PLPP3: variants seen among roughly 807,000 people sequenced by gnomAD.
PLPP3 encodes the protein phospholipid phosphatase 3, also known as PAP2 beta.
A neutral mutation model predicts 29.6 loss-of-function variants in PLPP3; 6 were observed. The observed-to-expected ratio is 0.20, with a 90% CI of 0.11 to 0.40. PLPP3 has a LOEUF of 0.40. Ranked by LOEUF, PLPP3 falls within the 10% of genes least tolerant of loss-of-function variation. PLPP3 has a pLI of 1.00. For synonymous variants in PLPP3, 152 were observed against 159.7 expected, an observed-to-expected ratio of 0.95 and a Z score of 0.36; for missense variants, 308 against 407.7, an observed-to-expected ratio of 0.76 and a Z score of 2.11.
intron 4 of PLPP3, among the ~76,000 whole-genome samples, chr1:56,514,541 A>G (rs1645768194): frequency 6.6e-6 from 1 of 152,182 alleles, no homozygotes; most frequent in African/African-American, 2.4e-5. Flanking sequence ...CCCAAACCAT[A>G]TTCCACTGAA....
At chr1:56,564,605 A>G (rs1646149928) in intron 1 of PLPP3, among the ~76,000 whole-genome samples, 1 of 152,354 alleles carries the variant, frequency 6.6e-6, no homozygotes, top group Non-Finnish European at 1.5e-5. Context: ...CAACTCCATT[A>G]ATAGCCTTAG....
At chr1:56,565,275 C>T (rs1439356185) in intron 1 of PLPP3, among the ~76,000 whole-genome samples, 2 of 151,232 alleles carry the variant, frequency 1.3e-5, no homozygotes, top group African/African-American at 4.9e-5. Flanking sequence ...AGCCACTAAC[C>T]AGAGAAGCTC....
At chr1:56,540,411 C>T (rs1190034238) in intron 1 of PLPP3, among the ~76,000 whole-genome samples, 1 of 151,986 alleles carries the variant, frequency 6.6e-6, no homozygotes, top group Non-Finnish European at 1.5e-5. Context: ...CCGGGACACA[C>T]TGTGGACACT....
At chr1:56,576,416 A>G (rs1188538569) in intron 1 of PLPP3, among the ~76,000 whole-genome samples, 1 of 152,202 alleles carries the variant, frequency 6.6e-6, no homozygotes, top group Non-Finnish European at 1.5e-5. Context: ...TTGTGCTATT[A>G]ATTTTTCTTT....
intron 2 of PLPP3, among the ~76,000 whole-genome samples, chr1:56,533,329 G>A (rs1645903500): frequency 6.6e-6 from 1 of 152,094 alleles, no homozygotes; most frequent in Non-Finnish European, 1.5e-5. Context: ...TTTGTATTAA[G>A]GTGTTATTTG....
In PLPP3 at chr1:56,579,161, G is replaced by A; in HGVS notation, c.-145C>T. ...CGGCTCCGGGCGCGGCGGCTAGAGTGCAGCCGGGGCTGCCTGCCTCCAACT... is the reference window on the plus strand; with the variant it reads ...CGGCTCCGGGCGCGGCGGCTAGAGTACAGCCGGGGCTGCCTGCCTCCAACT... On this transcript the variant is annotated 5_prime_UTR_variant, in exon 1 of 6. Coordinates refer to ENST00000371250, the MANE Select transcript of PLPP3 (RefSeq NM_003713.5). The A allele has an allele frequency of 1.9e-6, 2 of 1,068,662 alleles. No individual in the cohort carries two copies. Among genetic ancestry groups the A allele is most frequent in the African/African-American group, 1.7e-5 (1 of 59,098 alleles). The allele number at this position is 1,068,662 out of a possible 1,614,324, so 66.2% of individuals were successfully genotyped here. A position where few individuals can be genotyped will look rare whatever the true frequency, so the allele number is the denominator to read the frequency against.
chr1:56,572,043 GTTTTTTT>G (rs375576842), intron 1 of PLPP3, among the ~76,000 whole-genome samples: 8 of 85,064 alleles, frequency 9.4e-5, no homozygotes, highest in African/African-American at 3.5e-4. Flanking sequence ...ATCATTTCTG[GTTTTTTT>G]TTTTTTTTTT....
intron 1 of PLPP3, among the ~76,000 whole-genome samples, chr1:56,572,898 C>T (rs1377587928): frequency 1.3e-5 from 2 of 152,170 alleles, no homozygotes; most frequent in Non-Finnish European, 2.9e-5. Flanking sequence ...GCTTATTTTA[C>T]AGATGAGGAA....
intron 1 of PLPP3, among the ~76,000 whole-genome samples, chr1:56,572,043 GTTTTTT>G (rs375576842): frequency 3.5e-5 from 3 of 85,072 alleles, no homozygotes; most frequent in Admixed American, 1.8e-4. Context: ...ATCATTTCTG[GTTTTTT>G]TTTTTTTTTT....
chr1:56,571,946 T>A (rs1355914497), intron 1 of PLPP3, among the ~76,000 whole-genome samples: 5 of 151,178 alleles, frequency 3.3e-5, no homozygotes. Context: ...TTGGCCTGTA[T>A]AATAAATATG....
chr1:56,556,644 G>A (rs1646078394), intron 1 of PLPP3, among the ~76,000 whole-genome samples: 1 of 151,356 alleles, frequency 6.6e-6, no homozygotes, highest in South Asian at 2.1e-4. Flanking sequence ...GGGTTTTTGA[G>A]ACCCTGTCTC....
chr1:56,555,098 T>C (rs531993772), intron 1 of PLPP3, among the ~76,000 whole-genome samples: 8 of 152,188 alleles, frequency 5.3e-5, no homozygotes, highest in African/African-American at 1.9e-4. Context: ...CAAATGATAC[T>C]TAGTGGAAAG....
At chr1:56,567,831 G>A (rs1015494086) in intron 1 of PLPP3, among the ~76,000 whole-genome samples, 6 of 152,170 alleles carry the variant, frequency 3.9e-5, no homozygotes, top group Admixed American at 2.6e-4. Flanking sequence ...AGAACTGAAA[G>A]CATTTATATG....
rs988047464 is a variant in PLPP3, at chr1:56,546,993, G to A, written c.140-9881C>T. On this transcript the variant is annotated intron_variant, in intron 1 of 5. Coordinates refer to ENST00000371250, the MANE Select transcript of PLPP3 (RefSeq NM_003713.5). Reference sequence around the variant, plus strand: ...AGAATAAAAAATAAAAGCAAGGTGAGAAGGGAGTTAAAAATTAAAGTCCAT... The same window carrying A: ...AGAATAAAAAATAAAAGCAAGGTGAAAAGGGAGTTAAAAATTAAAGTCCAT... Among the ~76,000 whole-genome samples, 4 of 152,194 alleles carry A rather than the reference G, an allele frequency of 2.6e-5. No individual in the cohort carries two copies. The East Asian group carries it at 7.7e-4, about 29-fold the overall frequency.
At chr1:56,560,173 T>G (rs1569598688) in intron 1 of PLPP3, among the ~76,000 whole-genome samples, 1 of 152,074 alleles carries the variant, frequency 6.6e-6, no homozygotes, top group Non-Finnish European at 1.5e-5. Context: ...GACTGAAACC[T>G]CTCCCCATTC....
chr1:56,533,275 G>A (rs1281846823), intron 2 of PLPP3, among the ~76,000 whole-genome samples: 3 of 152,000 alleles, frequency 2.0e-5, no homozygotes, highest in African/African-American at 2.4e-5. Context: ...GGCTGGTCTC[G>A]GACTCCTGAC....
Position 56,552,913 on chromosome 1 carries a change from T to TG in PLPP3, c.140-15802dup, listed in dbSNP as rs564721203. Among the ~76,000 whole-genome samples, 416 of 152,188 alleles carry TG rather than the reference T, an allele frequency of 2.7e-3. 3 individuals carry two copies. The highest frequency in any genetic ancestry group is 9.4e-3 in the African/African-American group (390 of 41,510). On this transcript the variant is annotated intron_variant, in intron 1 of 5. Transcript: ENST00000371250. ...CTGTGCAGCAGAAAAAGTCCTGGGC[T>TG]GGGGGTCTCAGGAGTTCAAGGTTGG...
At chr1:56,540,489 T>C (rs1402583667) in intron 1 of PLPP3, among the ~76,000 whole-genome samples, 1 of 152,116 alleles carries the variant, frequency 6.6e-6, no homozygotes, top group East Asian at 1.9e-4. Context: ...ATCTGGTCAG[T>C]CCTTTGCCCA....
At chr1:56,526,270 G>T (rs947082427) in intron 2 of PLPP3, among the ~76,000 whole-genome samples, 1 of 152,172 alleles carries the variant, frequency 6.6e-6, no homozygotes, top group African/African-American at 2.4e-5. Flanking sequence ...AAAATTGGAA[G>T]TATCCCCTCA....
Sources: allele counts gnomAD v4.1 joint callset (sites outside exome capture counted in the v4.1 genomes callset), GRCh38; gene constraint gnomAD v4.1.1; transcripts MANE v1.5; gene names NCBI Gene and HGNC (gene_info 2026-07-23, HGNC 2026-07-21).